The following VCL variants were observed in gnomAD, a reference collection of about 807,000 sequenced individuals.
VCL encodes vinculin.
Under a neutral mutation model 125.7 loss-of-function variants are expected in VCL, and 47 were observed. That is an observed-to-expected ratio of 0.37 (90% CI 0.30 to 0.48). The LOEUF (loss-of-function observed/expected upper bound fraction) is 0.48, where lower values mean the gene tolerates loss of function less well. Among genes scored for constraint, VCL ranks in the 20% least tolerant of loss-of-function variants. The pLI, the probability that VCL is intolerant of heterozygous loss-of-function variation, is 0.99. For missense variants in VCL, 1,069 were observed against 1,455.5 expected (o/e 0.73, Z 4.32); for synonymous variants, 458 against 514.6 (o/e 0.89, Z 1.49).
At position 74,069,768 on chromosome 10, in the gene VCL, A is replaced by G. The variant is rs549601418; in HGVS notation, c.240-902A>G. ...TATTTTCAACTCTGTGGGGATGAGTAATTGAATGAATGAATGAATACATTT... is the reference window on the plus strand; with the variant it reads ...TATTTTCAACTCTGTGGGGATGAGTGATTGAATGAATGAATGAATACATTT... On this transcript the variant is annotated intron_variant, in intron 2 of 21. Transcript: ENST00000211998. Among the ~76,000 whole-genome samples, 5 of 152,278 alleles carry G rather than the reference A, an allele frequency of 3.3e-5. No homozygotes were observed. The East Asian group carries it at 9.6e-4, about 29-fold the overall frequency.
intron 12 of VCL, 61 bp downstream of exon 12, chr10:74,095,916 G>T (rs1839961359): frequency 1.3e-6 from 2 of 1,578,078 alleles, no homozygotes; most frequent in Admixed American, 1.7e-5. Flanking sequence ...AAAGACGAGG[G>T]AAGGAAGAGA....
chr10:74,113,599 C>G (rs1401377093), intron 19 of VCL, among the ~76,000 whole-genome samples: 1 of 151,350 alleles, frequency 6.6e-6, no homozygotes, highest in Non-Finnish European at 1.5e-5. Context: ...TTTTCCCTCA[C>G]CCAGCTGAGA....
chr10:74,018,852 G>T (rs1414264962), intron 1 of VCL, among the ~76,000 whole-genome samples: 4 of 152,090 alleles, frequency 2.6e-5, no homozygotes, highest in Non-Finnish European at 5.9e-5. Flanking sequence ...CCAATGTCTT[G>T]GATATGCTTC....
intron 5 of VCL, 56 bp from the exon 6 acceptor site, chr10:74,074,687 T>C: frequency 6.3e-7 from 1 of 1,589,752 alleles, no homozygotes; most frequent in Non-Finnish European, 8.6e-7. Context: ...TTTGTGAATA[T>C]TGTTATACAA....
chr10:74,052,552 A>G (rs1030045616), intron 2 of VCL, among the ~76,000 whole-genome samples: 5 of 151,544 alleles, frequency 3.3e-5, no homozygotes, highest in African/African-American at 9.7e-5. Context: ...GATTTTTTGT[A>G]TTTTGGTAGA....
intron 12 of VCL, 97 bp downstream of exon 12, chr10:74,095,952 G>T: frequency 7.1e-7 from 1 of 1,413,460 alleles, no homozygotes; most frequent in East Asian, 2.4e-5. Context: ...CATAATTTCT[G>T]GGGTCTAGGG....
intron 19 of VCL, among the ~76,000 whole-genome samples, chr10:74,112,536 T>C (rs930478752): frequency 1.3e-5 from 2 of 152,006 alleles, no homozygotes; most frequent in African/African-American, 4.8e-5. Context: ...GGAGAGTTGA[T>C]GAGGGGGAGA....
chr10:74,085,281 C>G (rs997599549), intron 8 of VCL, among the ~76,000 whole-genome samples: 2 of 152,140 alleles, frequency 1.3e-5, no homozygotes, highest in East Asian at 3.8e-4. Context: ...TTCTAATTTA[C>G]TAGCCATAGG....
chr10:74,093,126 G>A (rs1314797015), intron 10 of VCL, among the ~76,000 whole-genome samples: 1 of 152,072 alleles, frequency 6.6e-6, no homozygotes, highest in Admixed American at 6.6e-5. Context: ...GTGAAAACCC[G>A]TTTCTACTAA....
rs867644548 is a variant in VCL, at chr10:74,094,481, A to G, written c.1543+20A>G. The G allele has an allele frequency of 9.9e-6, 16 of 1,609,100 alleles. 1 individual carries two copies. In the Middle Eastern group the frequency reaches 2.6e-3, roughly 266 times the overall value. On this transcript the variant is annotated intron_variant, in intron 11 of 21. Coordinates refer to ENST00000211998, the MANE Select transcript of VCL (RefSeq NM_014000.3). ...GAGTCGGTAAGGGCAGCAGTGCACT[A>G]TAACCTCATTAAATTGGTCTCAGTG...
intron 2 of VCL, among the ~76,000 whole-genome samples, chr10:74,046,518 C>T (rs1841199304): frequency 6.6e-6 from 1 of 152,190 alleles, no homozygotes; most frequent in African/African-American, 2.4e-5. Context: ...GTTGGGAGTA[C>T]CGGCATGAGC....
chr10:74,104,869 C>A, intron 15 of VCL, 182 bp from the exon 16 acceptor site: 1 of 725,322 alleles, frequency 1.4e-6, no homozygotes, highest in Non-Finnish European at 2.2e-6. Flanking sequence ...GGGCTATGTC[C>A]TCACTGTTTT....
At chr10:74,034,499 CA>C (rs1320814436) in intron 1 of VCL, among the ~76,000 whole-genome samples, 1 of 152,206 alleles carries the variant, frequency 6.6e-6, no homozygotes, top group African/African-American at 2.4e-5. Context: ...CTCACCTACG[CA>C]GAGCAGAAAC....
At chr10:74,016,233 A>G (rs1432607510) in intron 1 of VCL, among the ~76,000 whole-genome samples, 1 of 152,090 alleles carries the variant, frequency 6.6e-6, no homozygotes, top group East Asian at 1.9e-4. Context: ...TAAAATTGTC[A>G]TTTCTTGTTG....
chr10:74,058,699 T>C (rs75154343), intron 2 of VCL, among the ~76,000 whole-genome samples: 1,809 of 152,198 alleles, frequency 0.012, 15 homozygotes, highest in Non-Finnish European at 0.018. Context: ...CCATTTCCTT[T>C]ATATTATTTT....
chr10:74,026,472 A>AT (rs1404446803), intron 1 of VCL, among the ~76,000 whole-genome samples: 1 of 152,198 alleles, frequency 6.6e-6, no homozygotes, highest in Non-Finnish European at 1.5e-5. Flanking sequence ...AACCCACCGC[A>AT]TGGGGGAGTT....
In VCL at chr10:73,998,182, G is replaced by C. The variant is rs750972760; in HGVS notation, c.-26G>C. 1 of 1,608,960 alleles carries C rather than the reference G, an allele frequency of 6.2e-7. No homozygotes were observed. The highest frequency in any genetic ancestry group is 1.3e-5 in the African/African-American group (1 of 74,786). ...TGGATCCTACTTCTCTGTCGCCCGCGGTTCGCCGCCCCGCTCGCCGCCGCG... is the reference window on the plus strand; with the variant it reads ...TGGATCCTACTTCTCTGTCGCCCGCCGTTCGCCGCCCCGCTCGCCGCCGCG... On this transcript the variant is annotated 5_prime_UTR_variant, in exon 1 of 22. Coordinates refer to ENST00000211998, the MANE Select transcript of VCL (RefSeq NM_014000.3).
At chr10:74,043,604 C>T (rs1308215774) in intron 2 of VCL, among the ~76,000 whole-genome samples, 1 of 151,956 alleles carries the variant, frequency 6.6e-6, no homozygotes, top group Non-Finnish European at 1.5e-5. Flanking sequence ...ACCTTGGCCT[C>T]CCAAAGTGCT....
chr10:74,044,648 AG>A (rs1841161234), intron 2 of VCL, among the ~76,000 whole-genome samples: 1 of 152,218 alleles, frequency 6.6e-6, no homozygotes, highest in South Asian at 2.1e-4. Flanking sequence ...GAAGATAAGC[AG>A]TTCCACTGTC....
Sources: gnomAD v4.1 joint callset for allele counts (sites outside exome capture counted in the v4.1 genomes callset) on GRCh38, gnomAD v4.1.1 for gene constraint, MANE v1.5 for transcripts, NCBI Gene and HGNC (gene_info 2026-07-23, HGNC 2026-07-21) for gene names.